B3GALT1: variants seen among roughly 807,000 people sequenced by gnomAD.
B3GALT1 encodes beta-1,3-galactosyltransferase 1.
A neutral mutation model predicts 23.2 loss-of-function variants in B3GALT1; 10 were observed. That is an observed-to-expected ratio of 0.43 (90% CI 0.27 to 0.73). The LOEUF (loss-of-function observed/expected upper bound fraction) is 0.73, where lower values mean the gene tolerates loss of function less well. B3GALT1 is among the 30% of genes least tolerant of loss of function. B3GALT1 has a pLI of 0.21. For synonymous variants in B3GALT1, 156 were observed against 141.5 expected (o/e 1.10, Z -0.73); for missense variants, 299 against 405.4 (o/e 0.74, Z 2.25).
chr2:167,621,115 G>T (rs140897259), intron 2 of B3GALT1, among the ~76,000 whole-genome samples: 2,088 of 145,906 alleles, frequency 0.014, 24 homozygotes, highest in Middle Eastern at 0.021. Context: ...TTGAGGCAGG[G>T]TCTAATGTTG....
At chr2:167,353,940 T>C (rs1356361853) in intron 1 of B3GALT1, among the ~76,000 whole-genome samples, 1 of 152,188 alleles carries the variant, frequency 6.6e-6, no homozygotes, top group Non-Finnish European at 1.5e-5. Flanking sequence ...TTATTTATGA[T>C]CATTGTGAAA....
At chr2:167,818,183 T>A in intron 3 of B3GALT1, among the ~76,000 whole-genome samples, 1 of 152,350 alleles carries the variant, frequency 6.6e-6, no homozygotes, top group South Asian at 2.1e-4. Flanking sequence ...ATTTTTAAAA[T>A]TAGATCCTAA....
intron 1 of B3GALT1, among the ~76,000 whole-genome samples, chr2:167,377,537 G>A (rs919784901): frequency 7.9e-5 from 12 of 152,090 alleles, no homozygotes; most frequent in Non-Finnish European, 1.6e-4. Flanking sequence ...ATGTTGTATA[G>A]TTAACTCTTA....
intron 2 of B3GALT1, among the ~76,000 whole-genome samples, chr2:167,564,200 A>C (rs1684098782): frequency 6.8e-6 from 1 of 148,002 alleles, no homozygotes; most frequent in Non-Finnish European, 1.5e-5. Context: ...GCGGCCGGGC[A>C]GAGACGCTCC....
intron 1 of B3GALT1, among the ~76,000 whole-genome samples, chr2:167,360,206 A>T (rs969349834): frequency 1.3e-5 from 2 of 152,174 alleles, no homozygotes; most frequent in Non-Finnish European, 2.9e-5. Flanking sequence ...GCATTTTTAT[A>T]TACATATTTT....
chr2:167,601,002 A>G (rs1005701210), intron 2 of B3GALT1, among the ~76,000 whole-genome samples: 3 of 152,132 alleles, frequency 2.0e-5, no homozygotes, highest in Non-Finnish European at 4.4e-5. Context: ...GAACTAGATT[A>G]TTATACCGTC....
intron 2 of B3GALT1, among the ~76,000 whole-genome samples, chr2:167,586,414 C>G (rs1301239717): frequency 6.6e-6 from 1 of 152,178 alleles, no homozygotes; most frequent in African/African-American, 2.4e-5. Context: ...ATTCTCCTGC[C>G]TCAGCCTCCC....
At chr2:167,812,481 A>C (rs939520750) in intron 3 of B3GALT1, among the ~76,000 whole-genome samples, 1 of 152,240 alleles carries the variant, frequency 6.6e-6, no homozygotes, top group Non-Finnish European at 1.5e-5. Context: ...TTCTTTGTGA[A>C]ACAACTCATT....
intron 3 of B3GALT1, among the ~76,000 whole-genome samples, chr2:167,761,265 G>C (rs999556731): frequency 6.6e-6 from 1 of 152,146 alleles, no homozygotes; most frequent in East Asian, 1.9e-4. Flanking sequence ...ATGCTGGATT[G>C]ATACAAAGCA....
chr2:167,787,580 A>T (rs1305855400), intron 3 of B3GALT1, among the ~76,000 whole-genome samples: 1 of 152,212 alleles, frequency 6.6e-6, no homozygotes, highest in African/African-American at 2.4e-5. Flanking sequence ...CAAAGCTGAC[A>T]TATTAAGACT....
At chr2:167,375,175 A>G (rs1375959179) in intron 1 of B3GALT1, among the ~76,000 whole-genome samples, 3 of 151,926 alleles carry the variant, frequency 2.0e-5, no homozygotes, top group Non-Finnish European at 4.4e-5. Flanking sequence ...CTCTGGGTTC[A>G]CTATTCTAGT....
chr2:167,595,795 C>T (rs1283527638), intron 2 of B3GALT1, among the ~76,000 whole-genome samples: 1 of 152,272 alleles, frequency 6.6e-6, no homozygotes, highest in East Asian at 1.9e-4. Flanking sequence ...AGTTGTTTCT[C>T]TGTTTTAAAA....
chr2:167,589,566 C>T (rs1453575906), intron 2 of B3GALT1, among the ~76,000 whole-genome samples: 4 of 152,110 alleles, frequency 2.6e-5, no homozygotes, highest in African/African-American at 7.2e-5. Flanking sequence ...ATAATCTACA[C>T]TTTGCCCACA....
intron 2 of B3GALT1, among the ~76,000 whole-genome samples, chr2:167,639,253 T>C (rs775771650): frequency 7.0e-4 from 106 of 152,042 alleles, no homozygotes; most frequent in Non-Finnish European, 1.3e-3. Flanking sequence ...TGATGGATCA[T>C]TGTAAAATCC....
chr2:167,422,766 A>G (rs1047821850), intron 1 of B3GALT1, among the ~76,000 whole-genome samples: 7 of 152,158 alleles, frequency 4.6e-5, no homozygotes, highest in Admixed American at 4.6e-4. Flanking sequence ...TCCAGAGATT[A>G]GAAGGACAGA....
Position 167,362,832 on chromosome 2 carries a change from C to G in B3GALT1, c.-511+69498C>G, listed in dbSNP as rs1018797551. Among the ~76,000 whole-genome samples, 155 of 152,250 alleles carry G rather than the reference C, an allele frequency of 1.0e-3. 3 individuals are homozygous for G. The highest frequency in any genetic ancestry group is 0.01 in the Admixed American group (155 of 15,288). ...TGGTTCTTGCCTGTAAAGAAGGCAG[C>G]ATTCACAAAGACTTTTATTTTTATT... is the stretch of plus-strand genomic sequence containing the variant. On this transcript the variant is annotated intron_variant, in intron 1 of 4. Transcript: ENST00000392690.
intron 1 of B3GALT1, among the ~76,000 whole-genome samples, chr2:167,350,307 T>C (rs1228678075): frequency 6.6e-6 from 1 of 152,222 alleles, no homozygotes; most frequent in African/African-American, 2.4e-5. Flanking sequence ...CCCTGTGTGT[T>C]ACTGAGAGGA....
At chr2:167,715,127 A>G (rs1161229476) in intron 3 of B3GALT1, 5 of 1,613,770 alleles carry the variant, frequency 3.1e-6, no homozygotes, top group Non-Finnish European at 4.2e-6. Context: ...CAGTTTCTTC[A>G]AAGCTCCTTT....
intron 4 of B3GALT1, among the ~76,000 whole-genome samples, chr2:167,861,270 T>C (rs2105431419): frequency 6.6e-6 from 1 of 152,380 alleles, no homozygotes; most frequent in South Asian, 2.1e-4. Context: ...GTAGGTTAAG[T>C]GTATTAAATG....
Sources: allele counts gnomAD v4.1 joint callset (sites outside exome capture counted in the v4.1 genomes callset), GRCh38; gene constraint gnomAD v4.1.1; transcripts MANE v1.5; gene names NCBI Gene and HGNC (gene_info 2026-07-23, HGNC 2026-07-21).